Variants in MFSD11 observed in about 807,000 individuals in gnomAD.
MFSD11 encodes UNC93-like protein MFSD11.
MFSD11 carries 36 observed loss-of-function variants against 53.5 expected under a neutral mutation model. The ratio of observed to expected loss-of-function variants is 0.67; its 90% CI spans 0.52 to 0.89. The LOEUF is 0.89. Ranked by LOEUF, MFSD11 falls within the 40% of genes least tolerant of loss-of-function variation. MFSD11 has a pLI of 0.00. For synonymous variants in MFSD11, 186 were observed against 184.9 expected, an observed-to-expected ratio of 1.01 and a Z score of -0.05; for missense variants, 530 against 543.9, an observed-to-expected ratio of 0.97 and a Z score of 0.25.
chr17:76,773,881 C>T (rs1425315517), intron 10 of MFSD11, among the ~76,000 whole-genome samples: 1 of 152,112 alleles, frequency 6.6e-6, no homozygotes. Flanking sequence ...GCTGGGATTA[C>T]AGGCGTGAGC....
At chr17:76,737,445 C>A (rs1367735796), upstream of MFSD11, 1 of 401,338 alleles carries the variant, frequency 2.5e-6, no homozygotes, top group Non-Finnish European at 4.5e-6. Flanking sequence ...CGTAACGACC[C>A]TGCCGCGCGC....
rs2079487677 is a variant in MFSD11, at chr17:76,755,692, T to C, written c.682+1605T>C. ...TATTGTTTCAGGAATATATTCATAG[T>C]TTTTTACATATATATATGTGTATAT... On this transcript the variant is annotated intron_variant, in intron 8 of 12. Coordinates refer to ENST00000685175, the MANE Select transcript of MFSD11 (RefSeq NM_001242532.5). 2.0e-5 allele frequency among the ~76,000 whole-genome samples: 3 copies of C among 146,368 alleles called. No individual in the cohort carries two copies. The South Asian group carries it at 6.4e-4, about 31-fold the overall frequency.
intron 8 of MFSD11, chr17:76,767,131 C>A: frequency 2.8e-6 from 1 of 361,634 alleles, no homozygotes; most frequent in Non-Finnish European, 5.0e-6. Flanking sequence ...TCTTCCTTTT[C>A]ATGTTTTTGT....
At chr17:76,786,706 A>G in the MFSD11 span, among the ~76,000 whole-genome samples, 1 of 152,220 alleles carries the variant, frequency 6.6e-6, no homozygotes, top group African/African-American at 2.4e-5. Context: ...ACACAGCACC[A>G]AAGGTTTTTA....
At chr17:76,779,987 G>A (rs1473021126), downstream of MFSD11, among the ~76,000 whole-genome samples, 2 of 152,282 alleles carry the variant, frequency 1.3e-5, no homozygotes, top group Admixed American at 1.3e-4. Flanking sequence ...CTCGAGCAGT[G>A]CAAGTCTATC....
chr17:76,776,046 T>A lies in MFSD11; in HGVS notation c.1050-360T>A, dbSNP rs2081804737. Among the ~76,000 whole-genome samples the A allele has an allele frequency of 6.6e-6, 1 of 152,224 alleles. No individual in the cohort carries two copies. The highest frequency in any genetic ancestry group is 1.5e-5 in the Non-Finnish European group (1 of 68,040). ...AGCCTAGAATGCAAGTGGCGTGATCTCCGCTCACTGCAACCTCCACCTCCG... is the reference window on the plus strand; with the variant it reads ...AGCCTAGAATGCAAGTGGCGTGATCACCGCTCACTGCAACCTCCACCTCCG... On this transcript the variant is annotated intron_variant, in intron 11 of 12. Transcript: ENST00000685175. The surrounding 1 kb of genome is among the most constrained non-coding windows in gnomAD (Gnocchi z 4.2).
chr17:76,750,229 A>G (rs2078936114), intron 7 of MFSD11, among the ~76,000 whole-genome samples: 1 of 152,172 alleles, frequency 6.6e-6, no homozygotes, highest in Admixed American at 6.5e-5. Context: ...ATGGGATCCT[A>G]TCCAAGTATA....
intron 2 of MFSD11, among the ~76,000 whole-genome samples, chr17:76,739,242 G>T (rs2144033871): frequency 6.6e-6 from 1 of 152,250 alleles, no homozygotes; most frequent in African/African-American, 2.4e-5. Flanking sequence ...AAGTGTTTCC[G>T]TGAGCCTAAT....
At position 76,768,473 on chromosome 17, in the gene MFSD11, C is replaced by T. The variant is rs1033862850; in HGVS notation, c.748+1022C>T. Among the ~76,000 whole-genome samples, 4 of 152,076 alleles carry T rather than the reference C, an allele frequency of 2.6e-5. No homozygotes were observed. The East Asian group carries it at 5.8e-4, about 22-fold the overall frequency. ...TTTTCCCTTATGTGCCTCATAGATA[C>T]AACATATTTTTAGGTGAAATAGAAT... On this transcript the variant is annotated intron_variant, in intron 9 of 12. Transcript: ENST00000685175.
Position 76,776,318 on chromosome 17 carries a change from T to C in MFSD11, c.1050-88T>C, listed in dbSNP as rs1257853626. The stretch of plus-strand genomic sequence containing the variant: ...TTTCATAGTGTTTACAACTTGCAGG[T>C]AGAATTCTTTTGTGGGTGGGTTGCT... On this transcript the variant is annotated intron_variant, in intron 11 of 12. Coordinates refer to ENST00000685175, the MANE Select transcript of MFSD11 (RefSeq NM_001242532.5). The surrounding 1 kb of genome is among the most constrained non-coding windows in gnomAD (Gnocchi z 4.2). 7.2e-7 allele frequency: 1 copy of C among 1,390,974 alleles called. No homozygotes were observed. Among genetic ancestry groups the C allele is most frequent in the East Asian group, 2.3e-5 (1 of 42,576 alleles). 86.2% of individuals were successfully genotyped at this position (1,390,974 alleles called of 1,614,324 possible).
chr17:76,776,450 A>G lies in MFSD11; in HGVS notation c.1094A>G (p.Asp365Gly), dbSNP rs2081844205. 1.9e-6 allele frequency: 3 copies of G among 1,613,904 alleles called. No homozygotes were observed. The highest frequency in any genetic ancestry group is 2.5e-6 in the Non-Finnish European group (3 of 1,179,950). Reference protein sequence around the residue: ...ILCSFLLGLGDSCFNTQLLSI... With the variant: ...ILCSFLLGLGGSCFNTQLLSI... The stretch of plus-strand genomic sequence containing the variant: ...TGCAGTTTTCTGTTGGGCCTTGGAG[A>G]CAGCTGCTTTAATACCCAGCTGCTT... Residue 365 changes from aspartate (D) to glycine (G), a missense_variant, in exon 12 of 13, where the codon GAC (aspartate) becomes GGC (glycine). Physicochemically the swap from Asp to Gly is moderately conservative, Grantham distance 94. Transcript: ENST00000685175. The surrounding 1 kb of genome is among the most constrained non-coding windows in gnomAD (Gnocchi z 4.2).
intron 7 of MFSD11, among the ~76,000 whole-genome samples, chr17:76,750,824 T>TA (rs1226371859): frequency 1.4e-5 from 2 of 148,012 alleles, no homozygotes; most frequent in African/African-American, 5.0e-5. Flanking sequence ...TTTTTTTTGA[T>TA]ACGGAGTCTC....
chr17:76,771,859 C>T (rs141076897), intron 10 of MFSD11, among the ~76,000 whole-genome samples: 1 of 152,212 alleles, frequency 6.6e-6, no homozygotes, highest in Non-Finnish European at 1.5e-5. Flanking sequence ...GGATTTTGAA[C>T]ACCTCTAAGT....
chr17:76,737,234 C>T (rs531282122), upstream of MFSD11: 38 of 1,460,866 alleles, frequency 2.6e-5, no homozygotes, highest in Middle Eastern at 5.8e-4. Flanking sequence ...GACGCCGCGC[C>T]TCTCAGGCAG....
At position 76,763,270 on chromosome 17, in the gene MFSD11, T is replaced by TG. The variant is rs377084623; in HGVS notation, c.683-4115dup. On this transcript the variant is annotated intron_variant, in intron 8 of 12. Transcript: ENST00000685175. The stretch of plus-strand genomic sequence containing the variant: ...AGTTATTTTCTGTTTTTTTGTTTTT[T>TG]GTTTTTTTTTTTGAGGTGGAGTATT... 7.9e-4 allele frequency among the ~76,000 whole-genome samples: 120 copies of TG among 151,802 alleles called. No homozygotes were observed. In the South Asian group the frequency reaches 0.013, roughly 16 times the overall value.
downstream of MFSD11, among the ~76,000 whole-genome samples, chr17:76,785,168 A>C (rs1008836452): frequency 1.3e-5 from 2 of 152,228 alleles, no homozygotes; most frequent in Admixed American, 6.5e-5. Context: ...TACAACATAG[A>C]TGGACCTGGA....
chr17:76,787,084 C>T, the MFSD11 span, among the ~76,000 whole-genome samples: 1 of 150,872 alleles, frequency 6.6e-6, no homozygotes, highest in African/African-American at 2.4e-5. Flanking sequence ...TATTTCTAGG[C>T]ATGACTCTCA....
At chr17:76,775,236 T>C in intron 11 of MFSD11, 65 bp downstream of exon 11, 1 of 1,475,538 alleles carries the variant, frequency 6.8e-7, no homozygotes, top group Non-Finnish European at 9.3e-7. Flanking sequence ...GGCTAGATAC[T>C]GAAAGTGGAG....
chr17:76,781,899 G>A (rs2082172075), downstream of MFSD11, among the ~76,000 whole-genome samples: 1 of 152,024 alleles, frequency 6.6e-6, no homozygotes, highest in Non-Finnish European at 1.5e-5. Flanking sequence ...ATGGCTCACT[G>A]CAGCTTTGAC....
Sources: allele counts gnomAD v4.1 joint callset (sites outside exome capture counted in the v4.1 genomes callset), GRCh38; gene constraint gnomAD v4.1.1; non-coding constraint Gnocchi (gnomAD v3.1); transcripts MANE v1.5; gene names NCBI Gene and HGNC (gene_info 2026-07-23, HGNC 2026-07-21).